The following MCHR2 variants were observed in gnomAD, a reference collection of about 807,000 sequenced individuals.
The protein encoded by MCHR2 is melanin-concentrating hormone receptor 2.
A neutral mutation model predicts 24.8 loss-of-function variants in MCHR2; 15 were observed. The observed-to-expected ratio is 0.60, with a 90% CI of 0.40 to 0.93. The LOEUF is 0.93. Ranked by LOEUF, MCHR2 falls within the 40% of genes least tolerant of loss-of-function variation. The pLI, the probability that MCHR2 is intolerant of heterozygous loss-of-function variation, is 0.00. For synonymous variants in MCHR2, 151 were observed against 147.6 expected (o/e 1.02, Z -0.17); for missense variants, 386 against 408.7 (o/e 0.94, Z 0.48).
intron 4 of MCHR2, among the ~76,000 whole-genome samples, chr6:99,937,441 G>A (rs893265072): frequency 1.3e-4 from 19 of 151,750 alleles, no homozygotes; most frequent in Admixed American, 1.2e-3. Context: ...ATTGAATGAT[G>A]TTTTGGCATT....
chr6:99,920,902 A>G lies in MCHR2; in HGVS notation c.*38T>C, dbSNP rs777754328. The G allele has an allele frequency of 6.3e-7, 1 of 1,583,790 alleles. No individual in the cohort carries two copies. Among genetic ancestry groups the G allele is most frequent in the Non-Finnish European group, 8.6e-7 (1 of 1,159,872 alleles). ...CTTTCTGATAATACCAGTAAGATAGACAATCATGTCTAGACTCATGGTGAT... is the reference window on the plus strand; with the variant it reads ...CTTTCTGATAATACCAGTAAGATAGGCAATCATGTCTAGACTCATGGTGAT... On this transcript the variant is annotated 3_prime_UTR_variant, in exon 6 of 6. Coordinates refer to ENST00000281806, the MANE Select transcript of MCHR2 (RefSeq NM_001040179.2).
chr6:99,933,349 C>A (rs1223281661), intron 5 of MCHR2, among the ~76,000 whole-genome samples: 3 of 152,114 alleles, frequency 2.0e-5, no homozygotes, highest in Non-Finnish European at 4.4e-5. Context: ...AAAAAAGGCT[C>A]AAGCATTCTC....
chr6:99,930,612 T>C (rs1262841744), intron 5 of MCHR2, among the ~76,000 whole-genome samples: 1 of 152,248 alleles, frequency 6.6e-6, no homozygotes, highest in East Asian at 1.9e-4. Context: ...TGATACCCTT[T>C]CTTCCAATCG....
At chr6:99,974,780 G>A (rs1263025752) in intron 1 of MCHR2, among the ~76,000 whole-genome samples, 2 of 152,194 alleles carry the variant, frequency 1.3e-5, no homozygotes, top group African/African-American at 2.4e-5. Context: ...TAACAGACAG[G>A]ACCCTCAGCT....
intron 1 of MCHR2, among the ~76,000 whole-genome samples, chr6:99,975,369 G>A (rs1440401022): frequency 6.6e-6 from 1 of 152,204 alleles, no homozygotes; most frequent in East Asian, 1.9e-4. Context: ...AGGACCCTCT[G>A]AGCCAGGTGC....
intron 1 of MCHR2, among the ~76,000 whole-genome samples, chr6:99,982,746 C>T (rs1160002659): frequency 6.6e-6 from 1 of 152,062 alleles, no homozygotes; most frequent in Admixed American, 6.6e-5. Context: ...TCTCCCTAAA[C>T]CTCTGATGCA....
chr6:99,986,908 G>C (rs907155851), intron 1 of MCHR2, among the ~76,000 whole-genome samples: 1 of 149,958 alleles, frequency 6.7e-6, no homozygotes, highest in African/African-American at 2.5e-5. Context: ...ATATATACAT[G>C]GACCCTTAAG....
At chr6:99,943,758 T>C (rs1774824150) in intron 3 of MCHR2, among the ~76,000 whole-genome samples, 1 of 152,184 alleles carries the variant, frequency 6.6e-6, no homozygotes, top group Non-Finnish European at 1.5e-5. Flanking sequence ...AGTTGTTCCT[T>C]CTATGAATAC....
At chr6:99,954,496 A>G (rs1775022892) in intron 2 of MCHR2, among the ~76,000 whole-genome samples, 1 of 152,100 alleles carries the variant, frequency 6.6e-6, no homozygotes, top group Non-Finnish European at 1.5e-5. Context: ...GTTGCAGTCA[A>G]AATGCTGCTG....
At chr6:99,975,818 A>G (rs899117176) in intron 1 of MCHR2, among the ~76,000 whole-genome samples, 2 of 152,264 alleles carry the variant, frequency 1.3e-5, no homozygotes, top group African/African-American at 4.8e-5. Context: ...AAATCAGTAT[A>G]GCTTAAACAA....
intron 3 of MCHR2, among the ~76,000 whole-genome samples, chr6:99,946,012 A>G (rs955760333): frequency 1.3e-5 from 2 of 151,052 alleles, no homozygotes; most frequent in Non-Finnish European, 2.9e-5. Context: ...ATAGGAGTAT[A>G]CCTGTTTATT....
chr6:99,921,284 G>A lies in MCHR2; in HGVS notation c.708-29C>T, dbSNP rs201310769. On this transcript the variant is annotated intron_variant, in intron 5 of 5. Transcript: ENST00000281806. ...CAGAGGAAACATTCAGATAGACAGG[G>A]TATAAACAACCATAGAAATTATGGG... 29 of 1,592,202 alleles carry A rather than the reference G, an allele frequency of 1.8e-5. No individual in the cohort carries two copies. In the South Asian group the frequency reaches 3.0e-4, roughly 17 times the overall value.
At chr6:99,955,886 G>T in intron 2 of MCHR2, 80 bp downstream of exon 2, 1 of 1,165,364 alleles carries the variant, frequency 8.6e-7, no homozygotes, top group Non-Finnish European at 1.2e-6. Flanking sequence ...TGCTACAGGG[G>T]AAAGGACTCA....
Position 99,921,200 on chromosome 6 carries a change from C to T in MCHR2, c.763G>A (p.Val255Met), listed in dbSNP as rs759622313. ...CTCAGGATAAAGACTACCACCAGCA[C>T]CAGCACCATCTTTGTCAACTTCATC... ...RVMKLTKMVL[V>M]LVVVFILSAA... The change falls in exon 6 of 6, where the codon GTG becomes ATG. Residue 255 changes from valine to methionine, a missense_variant. Physicochemically the swap from Val to Met is conservative, Grantham distance 21. Transcript: ENST00000281806. The T allele has an allele frequency of 1.9e-6, 3 of 1,614,062 alleles. No individual in the cohort carries two copies. Among genetic ancestry groups the T allele is most frequent in the East Asian group, 2.2e-5 (1 of 44,898 alleles).
intron 1 of MCHR2, among the ~76,000 whole-genome samples, chr6:99,978,804 C>T (rs1775610638): frequency 6.6e-6 from 1 of 152,040 alleles, no homozygotes; most frequent in African/African-American, 2.4e-5. Flanking sequence ...AAGGCTAGGA[C>T]ACCAAAAAAA....
In MCHR2 at chr6:99,975,817, T is replaced by C. The variant is rs112039390; in HGVS notation, c.-28+18119A>G. ...TAGTGGCTAAACACTTAAATCAGTATAGCTTAAACAACTGAACTTTATGAT... is the reference window on the plus strand; with the variant it reads ...TAGTGGCTAAACACTTAAATCAGTACAGCTTAAACAACTGAACTTTATGAT... On this transcript the variant is annotated intron_variant, in intron 1 of 5. Transcript: ENST00000281806. Among the ~76,000 whole-genome samples, 803 of 152,376 alleles carry C rather than the reference T, an allele frequency of 5.3e-3. 4 individuals carry two copies. The highest frequency in any genetic ancestry group is 0.01 in the Middle Eastern group (3 of 294).
At chr6:99,988,451 A>T (rs1193179515) in intron 1 of MCHR2, among the ~76,000 whole-genome samples, 2 of 152,212 alleles carry the variant, frequency 1.3e-5, no homozygotes. Flanking sequence ...CTTTCCCAGC[A>T]GCCTCTTTTG....
chr6:99,969,880 AG>A (rs1775368621), intron 1 of MCHR2, among the ~76,000 whole-genome samples: 1 of 151,504 alleles, frequency 6.6e-6, no homozygotes, highest in African/African-American at 2.4e-5. Context: ...GTCCCTACAA[AG>A]GACATGAACT....
intron 1 of MCHR2, among the ~76,000 whole-genome samples, chr6:99,984,871 A>G (rs1184441271): frequency 6.6e-6 from 1 of 152,140 alleles, no homozygotes; most frequent in Non-Finnish European, 1.5e-5. Context: ...TCAATCAGAA[A>G]AAAGTAAGTC....
Sources: gnomAD v4.1 joint callset for allele counts (sites outside exome capture counted in the v4.1 genomes callset) on GRCh38, gnomAD v4.1.1 for gene constraint, MANE v1.5 for transcripts, NCBI Gene and HGNC (gene_info 2026-07-23, HGNC 2026-07-21) for gene names.